The following ADAD1 variants were observed in gnomAD, a reference collection of about 807,000 sequenced individuals.
The protein encoded by ADAD1 is adenosine deaminase domain-containing protein 1.
ADAD1 carries 46 observed loss-of-function variants against 66.8 expected under a neutral mutation model. The ratio of observed to expected loss-of-function variants is 0.69; its 90% CI spans 0.54 to 0.88. ADAD1 has a LOEUF of 0.88. ADAD1 is among the 40% of genes least tolerant of loss of function. The pLI, the probability that ADAD1 is intolerant of heterozygous loss-of-function variation, is 0.00. For synonymous variants in ADAD1, 248 were observed against 229.4 expected, an observed-to-expected ratio of 1.08 and a Z score of -0.73; for missense variants, 617 against 681.8, an observed-to-expected ratio of 0.91 and a Z score of 1.06.
rs1017825590 is a variant in ADAD1 at position 122,379,048 on chromosome 4, C to A, written c.-150C>A. 6.6e-6 allele frequency: 1 copy of A among 152,338 alleles called. No individual in the cohort carries two copies. Among genetic ancestry groups the A allele is most frequent in the Non-Finnish European group, 1.5e-5 (1 of 68,050 alleles). 9.4% of individuals were successfully genotyped at this position (152,338 alleles called of 1,614,324 possible). On this transcript the variant is annotated 5_prime_UTR_variant, in exon 1 of 13. Transcript: ENST00000296513. ...GCCACAGTGGAGGCCAAGCCTTCCC[C>A]ATGGGCACCTTCTCAGATTGCGATT...
chr4:122,421,075 T>C (rs527287165), intron 11 of ADAD1, among the ~76,000 whole-genome samples, 186 bp from the exon 12 acceptor site: 4 of 152,242 alleles, frequency 2.6e-5, no homozygotes, highest in African/African-American at 9.6e-5. Flanking sequence ...TAATTTAAAA[T>C]GTAATTTAAG....
In ADAD1 at chr4:122,393,656, T is replaced by G. The variant is rs1190522321; in HGVS notation, c.597T>G (p.Tyr199Ter). Residue 199 changes from tyrosine to a stop codon, truncating the protein, a stop_gained and splice_region_variant, in exon 6 of 13, where the codon TAT (tyrosine) becomes TAG (stop). Transcript: ENST00000296513. LOFTEE classifies it high-confidence loss of function. The part of the protein sequence containing the change: ...SELAYVSKVH[Y>*]EGRHIQYAKI... ...TAGCATATGTTTCAAAAGTACATTA[T>G]GGTAGGAAAGTTTTTTGTGACGTTC... The G allele has an allele frequency of 1.3e-6, 2 of 1,590,424 alleles. No homozygotes were observed. Among genetic ancestry groups the G allele is most frequent in the Non-Finnish European group, 1.7e-6 (2 of 1,171,518 alleles).
intron 7 of ADAD1, among the ~76,000 whole-genome samples, chr4:122,401,583 G>A (rs1234225785): frequency 6.6e-6 from 1 of 152,072 alleles, no homozygotes; most frequent in African/African-American, 2.4e-5. Context: ...GTGTAGTGTT[G>A]TTAGTGGAGT....
rs758363474 is a variant in ADAD1 at position 122,396,421 on chromosome 4, A to G, written c.724+44A>G. 6 of 1,473,392 alleles carry G rather than the reference A, an allele frequency of 4.1e-6. No individual in the cohort carries two copies. In the African/African-American group the frequency reaches 8.6e-5, roughly 21 times the overall value. 91.3% of individuals were successfully genotyped at this position (1,473,392 alleles called of 1,614,324 possible). On this transcript the variant is annotated intron_variant, in intron 7 of 12. Transcript: ENST00000296513. Reference sequence around the variant, plus strand: ...GAAAAACTAATATTGTAATAATCTAATAGTAATATTTTAGTTAACTATCTT... The same window carrying G: ...GAAAAACTAATATTGTAATAATCTAGTAGTAATATTTTAGTTAACTATCTT...
At chr4:122,380,952 T>G in intron 3 of ADAD1, 40 bp from the exon 4 acceptor site, 5 of 1,537,582 alleles carry the variant, frequency 3.3e-6, no homozygotes, top group Non-Finnish European at 4.4e-6. Context: ...TTTGTTTGTT[T>G]GTTTTAAACC....
chr4:122,419,550 G>T (rs1796912105), intron 11 of ADAD1, among the ~76,000 whole-genome samples: 1 of 152,146 alleles, frequency 6.6e-6, no homozygotes, highest in Non-Finnish European at 1.5e-5. Context: ...AGAAATTGCT[G>T]CTCCTCCTCT....
At chr4:122,414,290 AACT>A (rs1294767213) in intron 10 of ADAD1, among the ~76,000 whole-genome samples, 3 of 140,392 alleles carry the variant, frequency 2.1e-5, no homozygotes, top group Non-Finnish European at 4.6e-5. Flanking sequence ...GGGGGGGTAC[AACT>A]ACTGTCATTA....
At chr4:122,386,475 T>C (rs1795178212) in intron 5 of ADAD1, among the ~76,000 whole-genome samples, 1 of 142,626 alleles carries the variant, frequency 7.0e-6, no homozygotes, top group South Asian at 2.2e-4. Context: ...AAAAATTTTC[T>C]CCCATTTTGT....
chr4:122,391,610 G>A (rs1022090342), intron 5 of ADAD1, among the ~76,000 whole-genome samples: 2 of 152,192 alleles, frequency 1.3e-5, no homozygotes, highest in African/African-American at 4.8e-5. Flanking sequence ...AGGAAGGATG[G>A]GTCAGGTTTA....
chr4:122,412,328 G>A (rs995443377), intron 9 of ADAD1, among the ~76,000 whole-genome samples: 1 of 152,050 alleles, frequency 6.6e-6, no homozygotes, highest in African/African-American at 2.4e-5. Context: ...TGGGTTTTAA[G>A]GGACATAAAG....
intron 2 of ADAD1, chr4:122,379,781 C>T (rs1432135598): frequency 3.6e-6 from 1 of 280,166 alleles, no homozygotes; most frequent in Non-Finnish European, 6.6e-6. Context: ...TCTTCCCTAA[C>T]TCCTGAGTAG....
At chr4:122,418,554 C>T (rs1195311431) in intron 11 of ADAD1, among the ~76,000 whole-genome samples, 1 of 152,036 alleles carries the variant, frequency 6.6e-6, no homozygotes, top group Non-Finnish European at 1.5e-5. Flanking sequence ...TATCTCCTGA[C>T]CTCATGATCC....
At chr4:122,403,242 G>A (rs1018256312) in intron 7 of ADAD1, among the ~76,000 whole-genome samples, 2 of 152,114 alleles carry the variant, frequency 1.3e-5, no homozygotes, top group African/African-American at 4.8e-5. Flanking sequence ...GAGCCAGACT[G>A]CAGTGATTAT....
chr4:122,405,735 A>G (rs1008307815), intron 7 of ADAD1, among the ~76,000 whole-genome samples: 2 of 152,022 alleles, frequency 1.3e-5, no homozygotes, highest in Admixed American at 6.5e-5. Context: ...ATGTGTCTCC[A>G]TTTCCCCTTC....
chr4:122,380,425 C>T (rs920770388), intron 3 of ADAD1, 184 bp downstream of exon 3: 8 of 673,146 alleles, frequency 1.2e-5, no homozygotes, highest in Admixed American at 3.3e-5. Context: ...TTACCTGTGC[C>T]GCTCGTTTAA....
intron 8 of ADAD1, among the ~76,000 whole-genome samples, chr4:122,410,256 G>T (rs2150578424): frequency 6.6e-6 from 1 of 152,080 alleles, no homozygotes; most frequent in East Asian, 1.9e-4. Flanking sequence ...ACCCCTCTTG[G>T]TGCTTATGGA....
Position 122,421,295 on chromosome 4 carries a change from C to A in ADAD1, c.1522C>A (p.Arg508=), listed in dbSNP as rs751689720. 8 of 1,603,496 alleles carry A rather than the reference C, an allele frequency of 5.0e-6. No homozygotes were observed. The highest frequency in any genetic ancestry group is 2.2e-5 in the South Asian group (2 of 89,510). The change falls in exon 12 of 13, where the codon CGG becomes AGG. Residue 508 remains arginine, a synonymous_variant. Transcript: ENST00000296513. ...TAAAAGTGGTATGTCAATGGCAAGTCGGCTTTGTAAGGCTGCAATGTTAAG... is the reference window on the plus strand; with the variant it reads ...TAAAAGTGGTATGTCAATGGCAAGTAGGCTTTGTAAGGCTGCAATGTTAAG... ...PFKSGMSMAS[R]LCKAAMLSRF...
chr4:122,395,838 G>C (rs1245865703), intron 6 of ADAD1, among the ~76,000 whole-genome samples: 1 of 152,166 alleles, frequency 6.6e-6, no homozygotes, highest in African/African-American at 2.4e-5. Context: ...GTTTATAGCG[G>C]TTCTCAATGG....
intron 10 of ADAD1, among the ~76,000 whole-genome samples, 171 bp downstream of exon 10, chr4:122,412,980 G>A (rs536580888): frequency 3.5e-4 from 54 of 152,210 alleles, no homozygotes; most frequent in Non-Finnish European, 6.5e-4. Context: ...AAATTATCAG[G>A]GAGAATGAAT....
Sources: allele counts gnomAD v4.1 joint callset (sites outside exome capture counted in the v4.1 genomes callset), GRCh38; gene constraint gnomAD v4.1.1; transcripts MANE v1.5; gene names NCBI Gene and HGNC (gene_info 2026-07-23, HGNC 2026-07-21).